SPDYA: variants seen among roughly 807,000 people sequenced by gnomAD.
SPDYA encodes the protein speedy/RINGO cell cycle regulator family member A, also known as speedy protein A.
SPDYA carries 11 observed loss-of-function variants against 36.7 expected under a neutral mutation model. The ratio of observed to expected loss-of-function variants is 0.30; its 90% CI spans 0.19 to 0.50. SPDYA has a LOEUF of 0.50. Among genes scored for constraint, SPDYA ranks in the 20% least tolerant of loss-of-function variants. The pLI, the probability that SPDYA is intolerant of heterozygous loss-of-function variation, is 0.98. For synonymous variants in SPDYA, 115 were observed against 118.7 expected (o/e 0.97, Z 0.20); for missense variants, 287 against 370.9 (o/e 0.77, Z 1.86).
intron 6 of SPDYA, among the ~76,000 whole-genome samples, chr2:28,836,722 G>C (rs1668614927): frequency 1.3e-5 from 2 of 152,124 alleles, no homozygotes; most frequent in African/African-American, 4.8e-5. Flanking sequence ...TTTGGAAAGA[G>C]ATGGGTTGTG....
At chr2:28,827,534 T>C (rs1303448571) in intron 5 of SPDYA, among the ~76,000 whole-genome samples, 1 of 152,208 alleles carries the variant, frequency 6.6e-6, no homozygotes, top group Non-Finnish European at 1.5e-5. Flanking sequence ...TTTTGTAATA[T>C]TTTTATTGTA....
At chr2:28,830,838 G>C (rs10865508) in intron 6 of SPDYA, among the ~76,000 whole-genome samples, 70,539 of 151,956 alleles carry the variant, frequency 0.46, 16,797 homozygotes, top group East Asian at 0.77. Context: ...AAATGTTCTG[G>C]TTTTTAATAA....
intron 3 of SPDYA, 71 bp from the exon 4 acceptor site, chr2:28,818,977 C>T: frequency 8.3e-7 from 1 of 1,210,868 alleles, no homozygotes. Context: ...AATCTCTTGA[C>T]ATAGAAATTA....
At chr2:28,824,262 C>T (rs1258316473) in intron 5 of SPDYA, among the ~76,000 whole-genome samples, 1 of 151,750 alleles carries the variant, frequency 6.6e-6, no homozygotes, top group Non-Finnish European at 1.5e-5. Context: ...AGGATTGCTT[C>T]AGGCTGGAAG....
At chr2:28,846,958 A>T (rs768448468) in intron 7 of SPDYA, among the ~76,000 whole-genome samples, 2 of 152,234 alleles carry the variant, frequency 1.3e-5, no homozygotes, top group Non-Finnish European at 2.9e-5. Flanking sequence ...GACACAAAAT[A>T]GGCATTCAAA....
intron 5 of SPDYA, among the ~76,000 whole-genome samples, chr2:28,824,503 A>C (rs1668267326): frequency 1.3e-5 from 2 of 150,380 alleles, no homozygotes; most frequent in South Asian, 4.2e-4. Context: ...AAAAAAAAAA[A>C]ACAGGACTAG....
At chr2:28,818,456 A>G (rs1486335026) in intron 3 of SPDYA, among the ~76,000 whole-genome samples, 37 of 150,004 alleles carry the variant, frequency 2.5e-4, no homozygotes, top group East Asian at 1.6e-3. Flanking sequence ...AAAAAAAAAA[A>G]AAAAAGAGAA....
At chr2:28,828,988 A>G (rs938516594) in intron 5 of SPDYA, among the ~76,000 whole-genome samples, 160 bp from the exon 6 acceptor site, 1 of 152,270 alleles carries the variant, frequency 6.6e-6, no homozygotes, top group Non-Finnish European at 1.5e-5. Context: ...CCAACAAGGT[A>G]AAATTAACTA....
chr2:28,821,859 A>G (rs1668177267), intron 4 of SPDYA, among the ~76,000 whole-genome samples: 1 of 152,238 alleles, frequency 6.6e-6, no homozygotes, highest in African/African-American at 2.4e-5. Flanking sequence ...TCATTTGGAA[A>G]TCATTTTAAA....
rs1015733929 is a variant in SPDYA, at chr2:28,829,419, T to TG, written c.552+100_552+101insG. On this transcript the variant is annotated intron_variant, in intron 6 of 7. Coordinates refer to ENST00000334056, the MANE Select transcript of SPDYA (RefSeq NM_182756.4). ...CTTCTAATGTTTTGGTATTCTGGGT[T>TG]TTTTTTTTTTTTCTAATATGTGGAG... is the stretch of plus-strand genomic sequence containing the variant. 223 of 1,081,192 alleles carry TG rather than the reference T, an allele frequency of 2.1e-4. 1 individual carries two copies. Among genetic ancestry groups the TG allele is most frequent in the African/African-American group, 1.6e-3 (92 of 59,182 alleles). The allele number at this position is 1,081,192 out of a possible 1,614,324, so 67.0% of individuals were successfully genotyped here.
At chr2:28,818,458 AAAAG>A (rs57153202) in intron 3 of SPDYA, among the ~76,000 whole-genome samples, 12,119 of 149,662 alleles carry the variant, frequency 0.081, 552 homozygotes, top group East Asian at 0.16. Flanking sequence ...AAAAAAAAAA[AAAAG>A]AGAAAGAGAG....
chr2:28,813,637 C>T (rs781540826), intron 1 of SPDYA, among the ~76,000 whole-genome samples: 55 of 151,846 alleles, frequency 3.6e-4, no homozygotes, highest in Non-Finnish European at 7.2e-4. Flanking sequence ...CTGCAACCTC[C>T]GCCTCCCGGG....
At chr2:28,846,316 G>A (rs1039731410) in intron 7 of SPDYA, among the ~76,000 whole-genome samples, 4 of 152,190 alleles carry the variant, frequency 2.6e-5, no homozygotes, top group African/African-American at 7.2e-5. Flanking sequence ...ACTGAGGCAG[G>A]AGAATTGCTT....
intron 3 of SPDYA, 41 bp downstream of exon 3, chr2:28,816,290 T>C (rs1667982660): frequency 7.3e-7 from 1 of 1,369,438 alleles, no homozygotes; most frequent in Non-Finnish European, 1.0e-6. Flanking sequence ...TATAAAGTAC[T>C]AAAAACCTAG....
intron 7 of SPDYA, chr2:28,840,697 A>G (rs1032179289): frequency 4.8e-6 from 6 of 1,260,980 alleles, no homozygotes; most frequent in Non-Finnish European, 6.0e-6. Flanking sequence ...GTTGAAAACT[A>G]ATGCACCATA....
At position 28,822,427 on chromosome 2, in the gene SPDYA, C is replaced by T; in HGVS notation, c.380+17C>T. 7 of 1,340,072 alleles carry T rather than the reference C, an allele frequency of 5.2e-6. No individual in the cohort carries two copies. Among genetic ancestry groups the T allele is most frequent in the Non-Finnish European group, 7.3e-6 (7 of 963,418 alleles). 83.0% of individuals were successfully genotyped at this position (1,340,072 alleles called of 1,614,324 possible). A position where few individuals can be genotyped will look rare whatever the true frequency, so the allele number is the denominator to read the frequency against. On this transcript the variant is annotated intron_variant, in intron 5 of 7. Transcript: ENST00000334056. ...TATTGCTCTGTAAGTATACTTTCTA[C>T]TAAGTGATTGTTGTGTTATCTATTA...
At chr2:28,814,339 CA>C (rs1005197323) in intron 1 of SPDYA, among the ~76,000 whole-genome samples, 6 of 149,942 alleles carry the variant, frequency 4.0e-5, no homozygotes, top group African/African-American at 7.4e-5. Flanking sequence ...TCTAAAGTAA[CA>C]AAAAAAAGAA....
Position 28,816,167 on chromosome 2 carries a change from T to C in SPDYA, c.153T>C (p.His51=). ...GGCAAGCATTTGAAAAAAATACACA[T>C]AATAACAACAAATCTAAACGCCCCA... ...DNWQAFEKNT[H]NNNKSKRPKG... is the part of the protein sequence containing the mutation. The change falls in exon 3 of 8, where the codon CAT becomes CAC. Residue 51 remains histidine (H), a synonymous_variant. Transcript: ENST00000334056. 6.2e-7 allele frequency: 1 copy of C among 1,613,804 alleles called. No homozygotes were observed. Among genetic ancestry groups the C allele is most frequent in the South Asian group, 1.1e-5 (1 of 91,072 alleles).
intron 3 of SPDYA, among the ~76,000 whole-genome samples, chr2:28,818,466 AAG>A (rs746467012): frequency 4.1e-4 from 62 of 149,616 alleles, no homozygotes; most frequent in South Asian, 1.5e-3. Flanking sequence ...AAAAAAGAGA[AAG>A]AGAGAAAGGG....
Sources: allele counts gnomAD v4.1 joint callset (sites outside exome capture counted in the v4.1 genomes callset), GRCh38; gene constraint gnomAD v4.1.1; transcripts MANE v1.5; gene names NCBI Gene and HGNC (gene_info 2026-07-23, HGNC 2026-07-21).